The following GBE1 variants were observed in gnomAD, a reference collection of about 807,000 sequenced individuals.
GBE1 encodes the protein 1,4-alpha-glucan branching enzyme 1, also known as 1,4-alpha-glucan-branching enzyme.
Under a neutral mutation model 88.8 loss-of-function variants are expected in GBE1, and 70 were observed. That is an observed-to-expected ratio of 0.79 (90% confidence interval 0.65 to 0.96). The LOEUF (loss-of-function observed/expected upper bound fraction) is 0.96. Among genes scored for constraint, GBE1 ranks in the 40% least tolerant of loss-of-function variants. The pLI is 0.00. For missense variants in GBE1, 872 were observed against 871.0 expected (o/e 1.00, Z -0.01); for synonymous variants, 284 against 300.1 (o/e 0.95, Z 0.56).
chr3:81,734,722 T>C (rs1332589263), intron 1 of GBE1, among the ~76,000 whole-genome samples: 1 of 152,128 alleles, frequency 6.6e-6, no homozygotes, highest in African/African-American at 2.4e-5. Context: ...TTCTTCTCAC[T>C]AGCTGAAGAC....
intron 12 of GBE1, among the ~76,000 whole-genome samples, chr3:81,553,292 A>T (rs1324480388): frequency 5.9e-5 from 9 of 151,538 alleles, no homozygotes; most frequent in African/African-American, 2.2e-4. Flanking sequence ...TCCTGCAAAA[A>T]GGCTTGAGTG....
At chr3:81,495,533 T>C (rs1702490133) in intron 15 of GBE1, among the ~76,000 whole-genome samples, 2 of 152,198 alleles carry the variant, frequency 1.3e-5, no homozygotes, top group Non-Finnish European at 2.9e-5. Context: ...ATACATGCTT[T>C]AGTTCATAAA....
chr3:81,597,490 T>C (rs900500443), intron 7 of GBE1, among the ~76,000 whole-genome samples: 3 of 146,126 alleles, frequency 2.1e-5, no homozygotes, highest in South Asian at 4.2e-4. Context: ...AAAATATATA[T>C]ATATATATAT....
At chr3:81,661,620 A>G (rs974869632) in intron 3 of GBE1, among the ~76,000 whole-genome samples, 11 of 152,166 alleles carry the variant, frequency 7.2e-5, no homozygotes, top group Non-Finnish European at 1.6e-4. Flanking sequence ...CTCCTGAGGA[A>G]TATCTTAAAG....
chr3:81,535,142 G>C, intron 14 of GBE1, 53 bp downstream of exon 14: 1 of 1,363,692 alleles, frequency 7.3e-7, no homozygotes. Flanking sequence ...GTCCTATAAT[G>C]TAATAAAGAA....
At chr3:81,586,055 A>G (rs1477934202) in intron 10 of GBE1, 37 bp downstream of exon 10, 1 of 1,170,856 alleles carries the variant, frequency 8.5e-7, no homozygotes, top group African/African-American at 1.5e-5. Context: ...GCAACACAGT[A>G]TTCACAGAAA....
chr3:81,643,347 T>C (rs1704718938), intron 6 of GBE1, among the ~76,000 whole-genome samples: 1 of 152,104 alleles, frequency 6.6e-6, no homozygotes, highest in Non-Finnish European at 1.5e-5. Context: ...ACTTACAGGG[T>C]GTACATTTGA....
intron 1 of GBE1, among the ~76,000 whole-genome samples, chr3:81,728,280 G>A (rs919074276): frequency 1.3e-5 from 2 of 152,086 alleles, no homozygotes; most frequent in Admixed American, 1.3e-4. Context: ...TTTAAACTCT[G>A]TAAAAGGAAA....
At chr3:81,693,719 C>A (rs1432077835) in intron 2 of GBE1, among the ~76,000 whole-genome samples, 1 of 151,846 alleles carries the variant, frequency 6.6e-6, no homozygotes, top group Non-Finnish European at 1.5e-5. Context: ...TATCAAGAAC[C>A]CTGACAGATT....
At chr3:81,590,994 C>G (rs140728417) in intron 9 of GBE1, 43 bp downstream of exon 9, 41 of 1,550,528 alleles carry the variant, frequency 2.6e-5, no homozygotes, top group Non-Finnish European at 3.5e-5. Context: ...AAAATACTCT[C>G]TATTAAAGGG....
At chr3:81,620,796 G>A (rs1419730763) in intron 7 of GBE1, among the ~76,000 whole-genome samples, 2 of 152,206 alleles carry the variant, frequency 1.3e-5, no homozygotes, top group Non-Finnish European at 2.9e-5. Context: ...ATGTCAACCA[G>A]GCAGGAATGA....
rs115777945 is a variant in GBE1 at position 81,548,166 on chromosome 3, C to T, written c.1619-11071G>A. Among the ~76,000 whole-genome samples, 723 of 151,476 alleles carry T rather than the reference C, an allele frequency of 4.8e-3. 27 individuals are homozygous for T. Among genetic ancestry groups the T allele is most frequent in the Admixed American group, 9.7e-3 (147 of 15,206 alleles). ...TCTTTGGAGTAATCTGCCTTGCAAC[C>T]GGAATTTGGCTCAAAACAGGTTTTT... On this transcript the variant is annotated intron_variant, in intron 12 of 15. Transcript: ENST00000429644.
At chr3:81,544,466 G>A (rs1344774882) in intron 12 of GBE1, among the ~76,000 whole-genome samples, 1 of 152,154 alleles carries the variant, frequency 6.6e-6, no homozygotes, top group South Asian at 2.1e-4. Flanking sequence ...TTGAGCCATC[G>A]CTTGGGACCC....
intron 2 of GBE1, among the ~76,000 whole-genome samples, chr3:81,677,847 C>T (rs747897879): frequency 6.6e-6 from 1 of 152,166 alleles, no homozygotes; most frequent in Non-Finnish European, 1.5e-5. Flanking sequence ...CTACTCTTAA[C>T]ACATATTAGT....
chr3:81,563,414 G>A (rs935612479), intron 12 of GBE1, among the ~76,000 whole-genome samples: 1 of 152,100 alleles, frequency 6.6e-6, no homozygotes, highest in Admixed American at 6.6e-5. Context: ...GGAAAGGGTA[G>A]GGCTATTCAT....
At chr3:81,667,689 A>G (rs902684221) in intron 3 of GBE1, among the ~76,000 whole-genome samples, 9 of 152,206 alleles carry the variant, frequency 5.9e-5, no homozygotes, top group African/African-American at 2.2e-4. Flanking sequence ...TCTTTTCTGC[A>G]TCTACTGAGA....
intron 1 of GBE1, among the ~76,000 whole-genome samples, chr3:81,744,725 A>G (rs1443847572): frequency 1.3e-5 from 2 of 152,194 alleles, no homozygotes; most frequent in Non-Finnish European, 2.9e-5. Context: ...TTACACAAGC[A>G]CATTTTCCAA....
intron 2 of GBE1, among the ~76,000 whole-genome samples, chr3:81,678,475 A>G (rs1705293452): frequency 2.0e-5 from 3 of 152,184 alleles, no homozygotes; most frequent in African/African-American, 7.2e-5. Context: ...TATTTACATT[A>G]TGGTACTTTC....
At chr3:81,558,499 C>CTAATTCAT (rs1233536804) in intron 12 of GBE1, among the ~76,000 whole-genome samples, 1 of 151,968 alleles carries the variant, frequency 6.6e-6, no homozygotes, top group Admixed American at 6.6e-5. Context: ...AAAATGTCTG[C>CTAATTCAT]TAATTAGCAA....
Sources: allele counts gnomAD v4.1 joint callset (sites outside exome capture counted in the v4.1 genomes callset), GRCh38; gene constraint gnomAD v4.1.1; transcripts MANE v1.5; gene names NCBI Gene and HGNC (gene_info 2026-07-23, HGNC 2026-07-21).